Variants in FBXW2 observed in about 807,000 individuals in gnomAD.
The protein encoded by FBXW2 is F-box and WD repeat domain containing 2.
FBXW2 carries 12 observed loss-of-function variants against 46.0 expected under a neutral mutation model. That is an observed-to-expected ratio of 0.26 (90% CI 0.17 to 0.42). The LOEUF (loss-of-function observed/expected upper bound fraction) is 0.42, where lower values mean the gene tolerates loss of function less well. FBXW2 is among the 10% of genes least tolerant of loss of function. FBXW2 has a pLI of 1.00. For synonymous variants in FBXW2, 203 were observed against 209.6 expected, an observed-to-expected ratio of 0.97 and a Z score of 0.27; for missense variants, 360 against 537.0, an observed-to-expected ratio of 0.67 and a Z score of 3.26.
intron 3 of FBXW2, among the ~76,000 whole-genome samples, chr9:120,786,093 C>T (rs2044717081): frequency 6.7e-6 from 1 of 148,810 alleles, no homozygotes; most frequent in Non-Finnish European, 1.5e-5. Flanking sequence ...TACTTTTAGA[C>T]TTCTATCCCA....
intron 3 of FBXW2, among the ~76,000 whole-genome samples, chr9:120,781,772 C>G (rs1037869411): frequency 3.3e-5 from 5 of 152,000 alleles, no homozygotes; most frequent in Non-Finnish European, 5.9e-5. Flanking sequence ...CCTGTAATCC[C>G]AACACTTTGG....
intron 5 of FBXW2, among the ~76,000 whole-genome samples, chr9:120,773,061 C>T (rs2044413332): frequency 6.6e-6 from 1 of 152,062 alleles, no homozygotes; most frequent in Non-Finnish European, 1.5e-5. Flanking sequence ...GTGGGTCACG[C>T]CTATAATCCC....
At chr9:120,790,257 G>C (rs2044807757) in intron 2 of FBXW2, among the ~76,000 whole-genome samples, 2 of 152,118 alleles carry the variant, frequency 1.3e-5, no homozygotes, top group South Asian at 4.1e-4. Context: ...GGTGGGCTCG[G>C]CCGGATCACG....
In FBXW2 at chr9:120,763,485, A is replaced by G. The variant is rs2044225478; in HGVS notation, c.*1074T>C. On this transcript the variant is annotated 3_prime_UTR_variant, in exon 8 of 8. Transcript: ENST00000608872. ...TGTCCCTATTTAAACCATGGCTTCT[A>G]TCAGCATTTCTTCAACCAATTACTT... 6.6e-6 allele frequency: 1 copy of G among 152,238 alleles called. No individual in the cohort carries two copies. The highest frequency in any genetic ancestry group is 2.4e-5 in the African/African-American group (1 of 41,466). The allele number at this position is 152,238 out of a possible 1,614,324, so 9.4% of individuals were successfully genotyped here.
At chr9:120,780,838 C>T (rs2044595999) in intron 3 of FBXW2, among the ~76,000 whole-genome samples, 1 of 152,068 alleles carries the variant, frequency 6.6e-6, no homozygotes, top group Non-Finnish European at 1.5e-5. Context: ...TAGTAGCTGG[C>T]AGGCACTACA....
intron 3 of FBXW2, among the ~76,000 whole-genome samples, chr9:120,786,192 T>C (rs2044719304): frequency 6.6e-6 from 1 of 152,200 alleles, no homozygotes; most frequent in African/African-American, 2.4e-5. Flanking sequence ...AAGCTTTGTG[T>C]CCTCACCCAA....
chr9:120,788,795 T>C (rs962474422), intron 2 of FBXW2, among the ~76,000 whole-genome samples: 5 of 152,172 alleles, frequency 3.3e-5, no homozygotes, highest in Non-Finnish European at 7.3e-5. Context: ...GCACAACCTG[T>C]CACCAAAATC....
Position 120,776,166 on chromosome 9 carries a change from G to A in FBXW2, c.746C>T (p.Thr249Ile). Residue 249 changes from threonine (T) to isoleucine (I), a missense_variant, in exon 5 of 8, where the codon ACT becomes ATT. By Grantham distance (89) the Thr-to-Ile change is moderately conservative (BLOSUM62 -1). Transcript: ENST00000608872. Reference protein sequence around the residue: ...DILVSGSADFTVKVWALSAGT... With the variant: ...DILVSGSADFIVKVWALSAGT... ...AGCAGATAAAGCCCATACTTTCACAGTGAAGTCTGCAGAGCCGCTCACCAA... is the reference window on the plus strand; with the variant it reads ...AGCAGATAAAGCCCATACTTTCACAATGAAGTCTGCAGAGCCGCTCACCAA... The A allele has an allele frequency of 6.2e-7, 1 of 1,614,140 alleles. No homozygotes were observed. Among genetic ancestry groups the A allele is most frequent in the Non-Finnish European group, 8.5e-7 (1 of 1,180,034 alleles).
At chr9:120,787,275 C>T (rs1483489732) in intron 3 of FBXW2, among the ~76,000 whole-genome samples, 9 of 152,186 alleles carry the variant, frequency 5.9e-5, no homozygotes, top group Admixed American at 2.6e-4. Flanking sequence ...GCAATCCACC[C>T]GCCTCGGCTT....
intron 2 of FBXW2, chr9:120,792,829 T>C: frequency 7.4e-7 from 1 of 1,346,730 alleles, no homozygotes; most frequent in Non-Finnish European, 9.9e-7. Flanking sequence ...TTACCATTAT[T>C]ACTTAGCATT....
chr9:120,761,124 T>C lies in FBXW2; in HGVS notation c.*3435A>G, dbSNP rs1019627969. 1 of 152,218 alleles carries C rather than the reference T, an allele frequency of 6.6e-6. No homozygotes were observed. Among genetic ancestry groups the C allele is most frequent in the African/African-American group, 2.4e-5 (1 of 41,460 alleles). The allele number at this position is 152,218 out of a possible 1,614,324, so 9.4% of individuals were successfully genotyped here. ...AGGGGCTTTCTTCCTATTTCTCCAA[T>C]AGGTCTAAAATGTCAGGTTACAGTC... On this transcript the variant is annotated 3_prime_UTR_variant, in exon 8 of 8. Transcript: ENST00000608872.
chr9:120,777,954 C>T (rs2044533158), intron 4 of FBXW2, among the ~76,000 whole-genome samples: 1 of 151,902 alleles, frequency 6.6e-6, no homozygotes, highest in South Asian at 2.1e-4. Flanking sequence ...ACTTTCAGCC[C>T]TAATGCTACA....
At chr9:120,785,879 C>T (rs776442353) in intron 3 of FBXW2, among the ~76,000 whole-genome samples, 56 of 151,706 alleles carry the variant, frequency 3.7e-4, no homozygotes, top group South Asian at 1.0e-3. Flanking sequence ...AAAAATTAGC[C>T]GGGTGTGGTG....
chr9:120,774,314 G>A (rs908420658), intron 5 of FBXW2, among the ~76,000 whole-genome samples: 4 of 136,384 alleles, frequency 2.9e-5, no homozygotes, highest in South Asian at 2.4e-4. Context: ...TCCAGCCTGC[G>A]CAACAAGAGT....
rs1260174134 is a variant in FBXW2 at position 120,793,035 on chromosome 9, A to C, written c.-21+114T>G. On this transcript the variant is annotated intron_variant, in intron 2 of 7. Coordinates refer to ENST00000608872, the MANE Select transcript of FBXW2 (RefSeq NM_012164.4). ...TCGCAGCTAAGGAAATGGAGGCAGT[A>C]GGAGGCAGTAACTCCAAAACCCTGT... is the stretch of plus-strand genomic sequence containing the variant. 3 of 1,309,592 alleles carry C rather than the reference A, an allele frequency of 2.3e-6. No individual in the cohort carries two copies. The East Asian group carries it at 7.5e-5, about 33-fold the overall frequency. The allele number at this position is 1,309,592 out of a possible 1,614,324, so 81.1% of individuals were successfully genotyped here.
At chr9:120,771,312 T>G in intron 7 of FBXW2, 36 bp downstream of exon 7, 1 of 1,574,684 alleles carries the variant, frequency 6.4e-7, no homozygotes. Flanking sequence ...GCAGCAGGCT[T>G]TCAAAGGTAA....
intron 7 of FBXW2, among the ~76,000 whole-genome samples, chr9:120,766,584 C>A (rs554109579): frequency 4.7e-4 from 72 of 152,282 alleles, no homozygotes; most frequent in African/African-American, 1.6e-3. Flanking sequence ...CGTGCCTCAG[C>A]CTCCCGAGTA....
chr9:120,762,223 C>T lies in FBXW2; in HGVS notation c.*2336G>A, dbSNP rs900303635. 6.6e-6 allele frequency: 1 copy of T among 152,044 alleles called. No individual in the cohort carries two copies. Among genetic ancestry groups the T allele is most frequent in the Non-Finnish European group, 1.5e-5 (1 of 68,064 alleles). 9.4% of individuals were successfully genotyped at this position (152,044 alleles called of 1,614,324 possible). ...GGTGTCATGGCAGATGCTTGTAATC[C>T]CAGCTACTTAGGAGGCTGAGGCAGG... On this transcript the variant is annotated 3_prime_UTR_variant, in exon 8 of 8. Transcript: ENST00000608872.
rs1167240142 is a variant in FBXW2, at chr9:120,793,234, G to A, written c.-106C>T. 1.4e-5 allele frequency: 7 copies of A among 506,330 alleles called. No individual in the cohort carries two copies. Among genetic ancestry groups the A allele is most frequent in the South Asian group, 3.1e-5 (1 of 32,358 alleles). The allele number at this position is 506,330 out of a possible 1,614,324, so 31.4% of individuals were successfully genotyped here. ...GGACCGCCAGAGCCTTGCAGCGGCC[G>A]GGTCCGCTCCGCAGCCATGGCGCCT... On this transcript the variant is annotated 5_prime_UTR_variant, in exon 2 of 8. Transcript: ENST00000608872.
Sources: gnomAD v4.1 joint callset for allele counts (sites outside exome capture counted in the v4.1 genomes callset) on GRCh38, gnomAD v4.1.1 for gene constraint, MANE v1.5 for transcripts, NCBI Gene and HGNC (gene_info 2026-07-23, HGNC 2026-07-21) for gene names.